The following FRMD6 variants were observed in gnomAD, a reference collection of about 807,000 sequenced individuals.
The protein encoded by FRMD6 is FERM domain containing 6.
A neutral mutation model predicts 73.2 loss-of-function variants in FRMD6; 37 were observed. The observed-to-expected ratio is 0.51, with a 90% CI of 0.39 to 0.66. The LOEUF (loss-of-function observed/expected upper bound fraction) is 0.66. Among genes scored for constraint, FRMD6 ranks in the 30% least tolerant of loss-of-function variants. The pLI, the probability that FRMD6 is intolerant of heterozygous loss-of-function variation, is 0.00. For missense variants in FRMD6, 714 were observed against 780.5 expected (o/e 0.91, Z 1.02); for synonymous variants, 273 against 282.2 (o/e 0.97, Z 0.33).
At chr14:51,538,862 G>T (rs1886051931) in intron 1 of FRMD6, among the ~76,000 whole-genome samples, 1 of 152,090 alleles carries the variant, frequency 6.6e-6, no homozygotes, top group Non-Finnish European at 1.5e-5. Flanking sequence ...GGATCATCTT[G>T]TCTATTTTAG....
chr14:51,687,038 G>A (rs766820463), intron 1 of FRMD6, among the ~76,000 whole-genome samples: 1 of 151,972 alleles, frequency 6.6e-6, no homozygotes, highest in Non-Finnish European at 1.5e-5. Flanking sequence ...GCTTCGTATC[G>A]ACTCTGCTTT....
At chr14:51,697,215 C>T (rs1270025750) in intron 2 of FRMD6, among the ~76,000 whole-genome samples, 4 of 152,094 alleles carry the variant, frequency 2.6e-5, no homozygotes, top group Non-Finnish European at 4.4e-5. Flanking sequence ...TCTGCACTCC[C>T]ATGTATATTG....
chr14:51,697,830 A>T (rs921259944), intron 2 of FRMD6, among the ~76,000 whole-genome samples: 4 of 152,164 alleles, frequency 2.6e-5, no homozygotes, highest in African/African-American at 9.7e-5. Flanking sequence ...TAGTAATCTG[A>T]GTAGGCTATG....
chr14:51,712,500 A>G lies in FRMD6; in HGVS notation c.798A>G (p.Lys266=). ...IQIFQNLDEE[K]QLLYDFPWTN... ...TTTCACAGAATTTAGATGAAGAGAA[A>G]CAATTACTTTATGATTTCCCCTGGA... Residue 266 remains lysine, a synonymous_variant, in exon 9 of 14, where the codon AAA becomes AAG. Coordinates refer to ENST00000344768, the MANE Select transcript of FRMD6 (RefSeq NM_001267046.2). 1.3e-6 allele frequency: 2 copies of G among 1,596,744 alleles called. No individual in the cohort carries two copies. The highest frequency in any genetic ancestry group is 1.7e-6 in the Non-Finnish European group (2 of 1,164,920).
chr14:51,498,345 G>A (rs1270017766), intron 1 of FRMD6, among the ~76,000 whole-genome samples: 1 of 152,112 alleles, frequency 6.6e-6, no homozygotes, highest in African/African-American at 2.4e-5. Context: ...TTCAGCCTCT[G>A]CCCACCATGT....
chr14:51,642,210 G>A (rs892416198), intron 2 of FRMD6, among the ~76,000 whole-genome samples: 1 of 152,020 alleles, frequency 6.6e-6, no homozygotes, highest in Non-Finnish European at 1.5e-5. Context: ...AGAGAGAGAG[G>A]GTTTTCAACA....
chr14:51,507,860 G>T (rs903410378), intron 1 of FRMD6, among the ~76,000 whole-genome samples: 3 of 152,168 alleles, frequency 2.0e-5, no homozygotes, highest in African/African-American at 7.2e-5. Flanking sequence ...AAACCCACAG[G>T]ATGGCTTGAT....
At chr14:51,442,269 G>T in the FRMD6 span, among the ~76,000 whole-genome samples, 4 of 152,092 alleles carry the variant, frequency 2.6e-5, no homozygotes, top group African/African-American at 9.7e-5. Context: ...GCTCTCTCTT[G>T]TCCTTTCTTT....
intron 2 of FRMD6, among the ~76,000 whole-genome samples, chr14:51,620,980 T>C (rs1021915495): frequency 7.2e-5 from 11 of 152,188 alleles, no homozygotes; most frequent in African/African-American, 2.7e-4. Flanking sequence ...GGCCAGCTGA[T>C]TTGCCAGAGT....
intron 2 of FRMD6, among the ~76,000 whole-genome samples, chr14:51,574,591 C>T (rs924415203): frequency 2.0e-5 from 3 of 152,004 alleles, no homozygotes; most frequent in East Asian, 1.9e-4. Context: ...CACATGTCCT[C>T]ACTCATTTAT....
chr14:51,479,863 G>A, the FRMD6 span, among the ~76,000 whole-genome samples: 1 of 152,286 alleles, frequency 6.6e-6, no homozygotes, highest in East Asian at 1.9e-4. Context: ...GTGGGTTGCT[G>A]CCTCTTCAGT....
intron 1 of FRMD6, among the ~76,000 whole-genome samples, chr14:51,667,817 A>G: frequency 6.6e-6 from 1 of 152,342 alleles, no homozygotes; most frequent in East Asian, 1.9e-4. Flanking sequence ...AAATCTTAAA[A>G]GTAAAATCTT....
rs1751685893 is a variant in FRMD6, at chr14:51,523,085, A to G, written c.-210+33665A>G. On this transcript the variant is annotated intron_variant, in intron 1 of 14. Transcript: ENST00000356218. ...AACTATTATTTTTTAACCTCTCTGT[A>G]GTTTTAAATTTTCAACAATAGGGGT... The G allele has an allele frequency of 2.6e-5, 4 of 152,338 alleles. No individual in the cohort carries two copies. The South Asian group carries it at 8.3e-4, about 32-fold the overall frequency. 9.4% of individuals were successfully genotyped at this position (152,338 alleles called of 1,614,324 possible).
chr14:51,628,877 C>CTTTTTTTTTTTTTTTTTT (rs371915919), intron 2 of FRMD6, among the ~76,000 whole-genome samples: 6 of 95,300 alleles, frequency 6.3e-5, no homozygotes, highest in Admixed American at 1.5e-4. Flanking sequence ...CTTTTCTTTT[C>CTTTTTTTTTTTTTTTTTT]TTTTTTTTTT....
chr14:51,539,171 C>T (rs562605605), intron 1 of FRMD6, among the ~76,000 whole-genome samples: 27 of 152,092 alleles, frequency 1.8e-4, no homozygotes, highest in Non-Finnish European at 2.9e-4. Context: ...TAAGCTCCCC[C>T]TTGTCACAGG....
At chr14:51,709,897 T>C (rs1896847657) in intron 7 of FRMD6, among the ~76,000 whole-genome samples, 1 of 152,078 alleles carries the variant, frequency 6.6e-6, no homozygotes, top group Non-Finnish European at 1.5e-5. Flanking sequence ...AATCCTGAGC[T>C]GTCTATTAAG....
the FRMD6 span, among the ~76,000 whole-genome samples, chr14:51,408,703 T>C: frequency 6.6e-6 from 1 of 152,230 alleles, no homozygotes; most frequent in Non-Finnish European, 1.5e-5. Flanking sequence ...AAGTATTTTC[T>C]ATTGTGTGTC....
the FRMD6 span, among the ~76,000 whole-genome samples, chr14:51,414,367 C>T: frequency 6.6e-6 from 1 of 152,226 alleles, no homozygotes; most frequent in African/African-American, 2.4e-5. Flanking sequence ...CAGCTTTCCA[C>T]ATATGGCTAG....
intron 1 of FRMD6, among the ~76,000 whole-genome samples, chr14:51,569,403 G>A (rs527692458): frequency 2.0e-5 from 3 of 151,960 alleles, no homozygotes; most frequent in East Asian, 3.9e-4. Context: ...CAATACCAGG[G>A]TCAGAATAAA....
Sources: gnomAD v4.1 joint callset for allele counts (sites outside exome capture counted in the v4.1 genomes callset) on GRCh38, gnomAD v4.1.1 for gene constraint, MANE v1.5 for transcripts, NCBI Gene and HGNC (gene_info 2026-07-23, HGNC 2026-07-21) for gene names.